LSAMP: variants seen among roughly 807,000 people sequenced by gnomAD.
LSAMP encodes the protein limbic system associated membrane protein.
A neutral mutation model predicts 38.6 loss-of-function variants in LSAMP; 7 were observed. That is an observed-to-expected ratio of 0.18 (90% CI 0.10 to 0.34). The LOEUF (loss-of-function observed/expected upper bound fraction) is 0.34, where lower values mean the gene tolerates loss of function less well. Among genes scored for constraint, LSAMP ranks in the 10% least tolerant of loss-of-function variants. The pLI, the probability that LSAMP is intolerant of heterozygous loss-of-function variation, is 1.00. For synonymous variants in LSAMP, 154 were observed against 166.8 expected (o/e 0.92, Z 0.59); for missense variants, 313 against 420.0 (o/e 0.75, Z 2.23).
At position 116,283,991 on chromosome 3, in the gene LSAMP, G is replaced by C. The variant is rs1052409307; in HGVS notation, c.155+160886C>G. Among the ~76,000 whole-genome samples, 9 of 152,222 alleles carry C rather than the reference G, an allele frequency of 5.9e-5. No homozygotes were observed. The East Asian group carries it at 1.7e-3, about 29-fold the overall frequency. On this transcript the variant is annotated intron_variant, in intron 1 of 6. Transcript: ENST00000490035. The stretch of plus-strand genomic sequence containing the variant: ...ACTGCACTCAAACCTGGGTGATAGA[G>C]TGAGACTCTGTCTCCCAAAAAAATA...
rs1935509728 is a variant in LSAMP at position 115,856,412 on chromosome 3, G to A, written c.515-3795C>T. On this transcript the variant is annotated intron_variant, in intron 3 of 6. Coordinates refer to ENST00000490035, the MANE Select transcript of LSAMP (RefSeq NM_002338.5). Reference sequence around the variant, plus strand: ...GTGGGCAGATCACTTGAGGTCAAGAGTTCAAAACCAGCCAGGCCAACATGG... The same window carrying A: ...GTGGGCAGATCACTTGAGGTCAAGAATTCAAAACCAGCCAGGCCAACATGG... 2.0e-5 allele frequency among the ~76,000 whole-genome samples: 3 copies of A among 152,156 alleles called. No individual in the cohort carries two copies. The South Asian group carries it at 6.2e-4, about 31-fold the overall frequency.
intron 1 of LSAMP, among the ~76,000 whole-genome samples, chr3:116,243,908 C>A (rs943966057): frequency 2.6e-5 from 4 of 151,932 alleles, no homozygotes; most frequent in African/African-American, 9.7e-5. Context: ...TTAATCTGGG[C>A]AGTGGTAGAA....
At chr3:116,437,076 A>G (rs1559867887) in intron 1 of LSAMP, among the ~76,000 whole-genome samples, 1 of 151,210 alleles carries the variant, frequency 6.6e-6, no homozygotes, top group Admixed American at 6.6e-5. Context: ...ATGGAATACT[A>G]AGCCATAAAA....
chr3:115,986,137 T>C (rs191456732), intron 3 of LSAMP, among the ~76,000 whole-genome samples: 1 of 152,224 alleles, frequency 6.6e-6, no homozygotes, highest in East Asian at 1.9e-4. Context: ...ACAGGTGGAA[T>C]TTTAAAAGAC....
intron 1 of LSAMP, among the ~76,000 whole-genome samples, chr3:116,316,844 G>A (rs1195616889): frequency 1.3e-5 from 2 of 151,430 alleles, no homozygotes; most frequent in East Asian, 3.9e-4. Context: ...AAAATGAGGT[G>A]TCAAGCATAA....
intron 3 of LSAMP, among the ~76,000 whole-genome samples, chr3:115,917,751 A>G (rs1050526922): frequency 3.1e-4 from 47 of 152,120 alleles, no homozygotes; most frequent in African/African-American, 1.1e-3. Context: ...AGATACTCAA[A>G]ATGGAATGGG....
intron 3 of LSAMP, among the ~76,000 whole-genome samples, chr3:115,867,002 A>C (rs1935880004): frequency 6.6e-6 from 1 of 152,066 alleles, no homozygotes; most frequent in Admixed American, 6.6e-5. Context: ...GAATGAAAGA[A>C]GAGGATGCTG....
At chr3:116,244,655 T>A (rs541015056) in intron 1 of LSAMP, among the ~76,000 whole-genome samples, 1 of 152,174 alleles carries the variant, frequency 6.6e-6, no homozygotes, top group Non-Finnish European at 1.5e-5. Flanking sequence ...ACTCTCATCA[T>A]CAGATAGTGT....
chr3:116,280,159 T>C (rs1053858086), intron 1 of LSAMP, among the ~76,000 whole-genome samples: 1 of 152,172 alleles, frequency 6.6e-6, no homozygotes, highest in Non-Finnish European at 1.5e-5. Flanking sequence ...AAATAGAAAG[T>C]ACAGTAGTAT....
At chr3:116,317,962 C>T (rs1195339931) in intron 1 of LSAMP, among the ~76,000 whole-genome samples, 1 of 151,250 alleles carries the variant, frequency 6.6e-6, no homozygotes, top group Non-Finnish European at 1.5e-5. Context: ...ATGGTGAAAC[C>T]CTATCTCTAC....
chr3:115,965,945 C>T (rs1938796466), intron 3 of LSAMP, among the ~76,000 whole-genome samples: 1 of 152,100 alleles, frequency 6.6e-6, no homozygotes, highest in Admixed American at 6.6e-5. Context: ...ACCACTGTGG[C>T]AGAAGCTGCT....
chr3:116,377,034 C>A (rs1380548428), intron 1 of LSAMP, among the ~76,000 whole-genome samples: 1 of 151,956 alleles, frequency 6.6e-6, no homozygotes, highest in Non-Finnish European at 1.5e-5. Flanking sequence ...AGTTCAAATA[C>A]CATTTTATTT....
chr3:116,005,821 A>C (rs963708814), intron 3 of LSAMP, among the ~76,000 whole-genome samples: 2 of 152,134 alleles, frequency 1.3e-5, no homozygotes, highest in Non-Finnish European at 2.9e-5. Flanking sequence ...CATTATAGAG[A>C]AGACAACCAG....
chr3:116,139,889 T>A (rs1176939015), intron 1 of LSAMP, among the ~76,000 whole-genome samples: 2 of 152,024 alleles, frequency 1.3e-5, no homozygotes, highest in African/African-American at 2.4e-5. Context: ...GGTTACAGTA[T>A]CTTGTCTGTG....
chr3:115,903,636 T>C (rs996912878), intron 3 of LSAMP, among the ~76,000 whole-genome samples: 5 of 152,306 alleles, frequency 3.3e-5, no homozygotes, highest in African/African-American at 1.2e-4. Flanking sequence ...TTAGCTTTTT[T>C]TCCTGTATAA....
rs77475441 is a variant in LSAMP, at chr3:115,935,252, G to C, written c.515-82635C>G. 7.1e-4 allele frequency among the ~76,000 whole-genome samples: 108 copies of C among 152,296 alleles called. 1 individual carries two copies. In the East Asian group the frequency reaches 0.019, roughly 27 times the overall value. On this transcript the variant is annotated intron_variant, in intron 3 of 6. Coordinates refer to ENST00000490035, the MANE Select transcript of LSAMP (RefSeq NM_002338.5). ...TACAGGCAGTTTTGTACTGTGCTCA[G>C]TTTTAGATGGAAGGAAGACTTGATC... is the stretch of plus-strand genomic sequence containing the variant.
chr3:116,149,081 TAC>T (rs779706107), intron 1 of LSAMP, among the ~76,000 whole-genome samples: 6 of 151,974 alleles, frequency 3.9e-5, no homozygotes, highest in Non-Finnish European at 8.8e-5. Context: ...CAATTATGTT[TAC>T]AGTTAGCGGT....
intron 1 of LSAMP, among the ~76,000 whole-genome samples, chr3:116,422,704 G>A (rs2049143758): frequency 6.6e-6 from 1 of 152,156 alleles, no homozygotes; most frequent in African/African-American, 2.4e-5. Context: ...ATAATGAATT[G>A]AAATGAATAT....
chr3:116,365,805 T>C (rs1405976631), intron 1 of LSAMP, among the ~76,000 whole-genome samples: 1 of 107,084 alleles, frequency 9.3e-6, no homozygotes, highest in Non-Finnish European at 1.8e-5. Flanking sequence ...TACGTGGGAA[T>C]TGAACAATGA....
Sources: gnomAD v4.1 joint callset for allele counts (sites outside exome capture counted in the v4.1 genomes callset) on GRCh38, gnomAD v4.1.1 for gene constraint, MANE v1.5 for transcripts, NCBI Gene and HGNC (gene_info 2026-07-23, HGNC 2026-07-21) for gene names.